Variants in GUCY1A2 observed in about 807,000 individuals in gnomAD.
The protein encoded by GUCY1A2 is guanylate cyclase soluble subunit alpha-2.
In GUCY1A2, 27 loss-of-function variants were observed where a neutral mutation model predicts 63.5. The observed-to-expected ratio is 0.43, with a 90% CI of 0.31 to 0.59. GUCY1A2 has a LOEUF of 0.59. Ranked by LOEUF, GUCY1A2 falls within the 20% of genes least tolerant of loss-of-function variation. The pLI is 0.11. For missense variants in GUCY1A2, 768 were observed against 913.3 expected, an observed-to-expected ratio of 0.84 and a Z score of 2.05; for synonymous variants, 364 against 343.5, an observed-to-expected ratio of 1.06 and a Z score of -0.66.
rs189358955 is a variant in GUCY1A2, at chr11:106,773,728, G to A, written c.1836+2711C>T. On this transcript the variant is annotated intron_variant, in intron 6 of 7. Transcript: ENST00000526355. ...CTAGTAGGGAGAAATGCTTATGATAGTGTTGTAAATTTCTATTAATTTGAT... is the reference window on the plus strand; with the variant it reads ...CTAGTAGGGAGAAATGCTTATGATAATGTTGTAAATTTCTATTAATTTGAT... Among the ~76,000 whole-genome samples, 220 of 152,266 alleles carry A rather than the reference G, an allele frequency of 1.4e-3. 1 individual carries two copies. The highest frequency in any genetic ancestry group is 1.8e-3 in the Non-Finnish European group (125 of 68,020).
At chr11:106,845,493 G>A (rs1182110079) in intron 4 of GUCY1A2, among the ~76,000 whole-genome samples, 1 of 151,546 alleles carries the variant, frequency 6.6e-6, no homozygotes, top group African/African-American at 2.4e-5. Flanking sequence ...AGATCACTCA[G>A]GTGCTCACTG....
chr11:106,796,765 T>G (rs1864769576), intron 5 of GUCY1A2, among the ~76,000 whole-genome samples: 1 of 152,184 alleles, frequency 6.6e-6, no homozygotes, highest in Admixed American at 6.5e-5. Flanking sequence ...GGAGTTGCTC[T>G]TCTCAAGGAG....
chr11:106,721,988 GCAT>G (rs1482644481), intron 6 of GUCY1A2, among the ~76,000 whole-genome samples: 3 of 152,112 alleles, frequency 2.0e-5, no homozygotes, highest in African/African-American at 7.2e-5. Context: ...AATCATTGCT[GCAT>G]CATCAACACC....
chr11:106,984,531 G>T (rs1263594843), intron 2 of GUCY1A2, among the ~76,000 whole-genome samples: 3 of 152,140 alleles, frequency 2.0e-5, no homozygotes, highest in Non-Finnish European at 4.4e-5. Context: ...ACTCCAATTT[G>T]CCTTGAAGGT....
intron 3 of GUCY1A2, among the ~76,000 whole-genome samples, chr11:106,968,553 T>C (rs139816018): frequency 6.6e-6 from 1 of 152,302 alleles, no homozygotes; most frequent in East Asian, 1.9e-4. Flanking sequence ...GAAAATCACA[T>C]GCGTTTCTTG....
chr11:106,874,930 A>T (rs1465785108), intron 4 of GUCY1A2, among the ~76,000 whole-genome samples: 1 of 152,122 alleles, frequency 6.6e-6, no homozygotes, highest in Non-Finnish European at 1.5e-5. Flanking sequence ...TTTTAGCAAA[A>T]CTATCTCTTA....
intron 1 of GUCY1A2, among the ~76,000 whole-genome samples, chr11:107,014,840 A>G (rs2120220967): frequency 6.6e-6 from 1 of 152,304 alleles, no homozygotes; most frequent in South Asian, 2.1e-4. Context: ...AAAGCTCACA[A>G]CATTCAAAAC....
In GUCY1A2 at chr11:106,810,059, T is replaced by C; in HGVS notation, c.1626A>G (p.Val542=). Reference sequence around the variant, plus strand: ...TGTACAGTTCATTCAGCATGCTGATTACTTGCATGGGAGTACACTGGGCAC... The same window carrying C: ...TGTACAGTTCATTCAGCATGCTGATCACTTGCATGGGAGTACACTGGGCAC... ...AICAQCTPMQ[V]ISMLNELYTR... The change falls in exon 5 of 8, where the codon GTA becomes GTG. Residue 542 remains valine, a synonymous_variant. Transcript: ENST00000526355. The C allele has an allele frequency of 6.2e-7, 1 of 1,611,538 alleles. No homozygotes were observed. The highest frequency in any genetic ancestry group is 8.5e-7 in the Non-Finnish European group (1 of 1,177,692).
intron 4 of GUCY1A2, among the ~76,000 whole-genome samples, chr11:106,913,178 A>G (rs1037145777): frequency 9.9e-5 from 15 of 152,106 alleles, no homozygotes; most frequent in Admixed American, 7.2e-4. Flanking sequence ...ATTTGTACTA[A>G]TCTATGAAAC....
chr11:106,931,377 C>T (rs1565335399), intron 4 of GUCY1A2, among the ~76,000 whole-genome samples: 1 of 152,154 alleles, frequency 6.6e-6, no homozygotes, highest in Non-Finnish European at 1.5e-5. Context: ...AGTGTAAAAG[C>T]TGAACCTTCT....
chr11:106,913,119 CAAAA>C (rs1242121319), intron 4 of GUCY1A2, among the ~76,000 whole-genome samples: 2 of 53,302 alleles, frequency 3.8e-5, no homozygotes, highest in Non-Finnish European at 7.7e-5. Flanking sequence ...GAATTTTTTT[CAAAA>C]GATATATATA....
intron 5 of GUCY1A2, among the ~76,000 whole-genome samples, chr11:106,798,927 G>A (rs1488244882): frequency 6.6e-6 from 1 of 152,124 alleles, no homozygotes; most frequent in Non-Finnish European, 1.5e-5. Flanking sequence ...CAATCAGGCA[G>A]GAGAGAGAAA....
intron 6 of GUCY1A2, among the ~76,000 whole-genome samples, chr11:106,732,615 C>A (rs1863524315): frequency 1.3e-5 from 2 of 151,864 alleles, no homozygotes; most frequent in South Asian, 4.2e-4. Flanking sequence ...TGAAATAAAA[C>A]AAAACAAAAT....
At chr11:106,740,134 G>A (rs542850566) in intron 6 of GUCY1A2, among the ~76,000 whole-genome samples, 1 of 151,918 alleles carries the variant, frequency 6.6e-6, no homozygotes, top group South Asian at 2.1e-4. Flanking sequence ...AAGTAGCTCG[G>A]ATTACAGGCA....
chr11:106,716,381 A>T (rs1863213696), intron 6 of GUCY1A2, among the ~76,000 whole-genome samples: 1 of 152,130 alleles, frequency 6.6e-6, no homozygotes, highest in Non-Finnish European at 1.5e-5. Flanking sequence ...AGAAGGAGGA[A>T]GTTATGTCCT....
chr11:106,849,117 T>C (rs941642946), intron 4 of GUCY1A2, among the ~76,000 whole-genome samples: 36 of 151,522 alleles, frequency 2.4e-4, no homozygotes, highest in African/African-American at 8.7e-4. Context: ...AAGGTGCCAT[T>C]CTATAATTTT....
chr11:107,016,162 G>T (rs148261161), intron 1 of GUCY1A2, among the ~76,000 whole-genome samples: 1 of 152,296 alleles, frequency 6.6e-6, no homozygotes, highest in Admixed American at 6.5e-5. Context: ...ACCATCATTT[G>T]CAGTAGTAAT....
chr11:106,993,537 A>AT (rs1384271174), intron 1 of GUCY1A2, among the ~76,000 whole-genome samples: 8 of 135,576 alleles, frequency 5.9e-5, no homozygotes, highest in Non-Finnish European at 8.8e-5. Context: ...AAAATAAAAA[A>AT]TAAAAAAAAG....
chr11:106,791,732 A>G (rs763968769), intron 5 of GUCY1A2, among the ~76,000 whole-genome samples: 8 of 152,044 alleles, frequency 5.3e-5, no homozygotes, highest in Non-Finnish European at 1.0e-4. Context: ...AATTTGTCAC[A>G]TGCTTCCAAG....
Sources: gnomAD v4.1 joint callset for allele counts (sites outside exome capture counted in the v4.1 genomes callset) on GRCh38, gnomAD v4.1.1 for gene constraint, MANE v1.5 for transcripts, NCBI Gene and HGNC (gene_info 2026-07-23, HGNC 2026-07-21) for gene names.